The following MINK1 variants were observed in gnomAD, a reference collection of about 807,000 sequenced individuals.
The protein encoded by MINK1 is misshapen like kinase 1, also known as misshapen-like kinase 1.
MINK1 carries 46 observed loss-of-function variants against 178.4 expected under a neutral mutation model. That is an observed-to-expected ratio of 0.26 (90% CI 0.20 to 0.33). The LOEUF is 0.33. Ranked by LOEUF, MINK1 falls within the 10% of genes least tolerant of loss-of-function variation. MINK1 has a pLI of 1.00. For synonymous variants in MINK1, 797 were observed against 709.7 expected, an observed-to-expected ratio of 1.12 and a Z score of -1.96; for missense variants, 1,366 against 1,814.9, an observed-to-expected ratio of 0.75 and a Z score of 4.49.
intron 1 of MINK1, among the ~76,000 whole-genome samples, chr17:4,866,595 G>A (rs1330081301): frequency 7.0e-6 from 1 of 142,194 alleles, no homozygotes; most frequent in Non-Finnish European, 1.5e-5. Flanking sequence ...AACATAGTGA[G>A]ACCCTGATTC....
Position 4,896,315 on chromosome 17 carries a change from C to T in MINK1, c.3588C>T (p.Asn1196=). 6.3e-7 allele frequency: 1 copy of T among 1,598,918 alleles called. No homozygotes were observed. The highest frequency in any genetic ancestry group is 8.5e-7 in the Non-Finnish European group (1 of 1,172,168). The change falls in exon 29 of 32, where the codon AAC becomes AAT. Residue 1196 remains asparagine, a synonymous_variant. Coordinates refer to ENST00000355280, the MANE Select transcript of MINK1 (RefSeq NM_153827.5). This position sits in a 1 kb window ranked among gnomAD's most constrained non-coding sequence, Gnocchi z 4.6. ...GFHAVDVDSG[N]SYDIYIPVHI... ...ATGCTGTGGATGTCGACTCGGGGAA[C>T]AGCTATGACATCTACATCCCTGTGC...
At chr17:4,890,858 G>A (rs1968715799) in intron 14 of MINK1, 93 bp from the exon 15 acceptor site, 9 of 1,528,484 alleles carry the variant, frequency 5.9e-6, no homozygotes, top group African/African-American at 4.1e-5. Context: ...ACAGCACAGA[G>A]CATAGGGCGG....
chr17:4,867,659 G>A (rs1162695755), intron 1 of MINK1, among the ~76,000 whole-genome samples: 1 of 151,938 alleles, frequency 6.6e-6, no homozygotes, highest in African/African-American at 2.4e-5. Context: ...AATTAGCCAG[G>A]TATGGTGGTC....
chr17:4,891,557 A>T lies in MINK1; in HGVS notation c.1842A>T (p.Pro614=). The T allele has an allele frequency of 6.2e-7, 1 of 1,608,328 alleles. No individual in the cohort carries two copies. The highest frequency in any genetic ancestry group is 8.5e-7 in the Non-Finnish European group (1 of 1,177,822). The change falls in exon 16 of 32, where the codon CCA becomes CCT. Residue 614 remains proline (P), a synonymous_variant. Transcript: ENST00000355280. ...CCACCCGAAACCTGGCTGCCTTCCC[A>T]GCCTCCCATGACCCCGACCCTGCCA... ...DQPTRNLAAF[P]ASHDPDPAIP... is the part of the protein sequence containing the mutation.
At chr17:4,893,674 G>T (rs1455984359) in intron 21 of MINK1, 77 bp downstream of exon 21, 3 of 1,466,512 alleles carry the variant, frequency 2.0e-6, no homozygotes, top group East Asian at 2.4e-5. Flanking sequence ...AAGAGGTGGG[G>T]CTTTGGGGCA....
chr17:4,857,337 G>A (rs1362987446), intron 1 of MINK1: 4 of 164,006 alleles, frequency 2.4e-5, no homozygotes, highest in Non-Finnish European at 4.0e-5. Context: ...ACCCGAGATG[G>A]TGAAAACCAA....
In MINK1 at chr17:4,892,249, G is replaced by C. The variant is rs756897798; in HGVS notation, c.2087+15G>C. On this transcript the variant is annotated intron_variant, in intron 17 of 31. Transcript: ENST00000355280. ...GTCCGTGCCAGGTAATGCCTGGGTA[G>C]GGCAACGCCTGGGTGAGGTCTGAGG... The C allele has an allele frequency of 4.5e-6, 7 of 1,559,256 alleles. 1 individual carries two copies. In the South Asian group the frequency reaches 7.1e-5, roughly 16 times the overall value.
chr17:4,837,848 G>T (rs1322340238), intron 1 of MINK1, among the ~76,000 whole-genome samples: 1 of 152,286 alleles, frequency 6.6e-6, no homozygotes, highest in Middle Eastern at 3.4e-3. Context: ...AGGACTTGTT[G>T]CTCGGTGGTA....
chr17:4,892,959 T>C lies in MINK1; in HGVS notation c.2312-20T>C, dbSNP rs755160336. The C allele has an allele frequency of 4.5e-6, 7 of 1,546,024 alleles. No individual in the cohort carries two copies. In the East Asian group the frequency reaches 9.8e-5, roughly 22 times the overall value. On this transcript the variant is annotated intron_variant, in intron 19 of 31. Coordinates refer to ENST00000355280, the MANE Select transcript of MINK1 (RefSeq NM_153827.5). Reference sequence around the variant, plus strand: ...TCCCTTGTTCAGGCATCAGTGACCTTCTTCCACCCTGCCGTCCAGTCTCCT... The same window carrying C: ...TCCCTTGTTCAGGCATCAGTGACCTCCTTCCACCCTGCCGTCCAGTCTCCT...
Position 4,894,470 on chromosome 17 carries a change from C to G in MINK1, c.2809-55C>G. ...GGAGCCTGGGGAACAGCAGCAGGGG[C>G]AGGGCCGCAGCTGGACTTGCACTTG... On this transcript the variant is annotated intron_variant, in intron 23 of 31. Coordinates refer to ENST00000355280, the MANE Select transcript of MINK1 (RefSeq NM_153827.5). The surrounding 1 kb of genome is among the most constrained non-coding windows in gnomAD (Gnocchi z 4.1). 1 of 1,522,750 alleles carries G rather than the reference C, an allele frequency of 6.6e-7. No individual in the cohort carries two copies. Among genetic ancestry groups the G allele is most frequent in the Non-Finnish European group, 8.9e-7 (1 of 1,119,598 alleles). The allele number at this position is 1,522,750 out of a possible 1,614,324, so 94.3% of individuals were successfully genotyped here.
chr17:4,862,909 C>T (rs561378381), intron 1 of MINK1, among the ~76,000 whole-genome samples: 1 of 151,860 alleles, frequency 6.6e-6, no homozygotes, highest in East Asian at 1.9e-4. Flanking sequence ...ATGGTGCATG[C>T]CCGTGGTTCC....
At chr17:4,864,313 C>T (rs916943729) in intron 1 of MINK1, among the ~76,000 whole-genome samples, 6 of 151,492 alleles carry the variant, frequency 4.0e-5, no homozygotes, top group South Asian at 2.1e-4. Flanking sequence ...GCAGGAGAAT[C>T]GCTTGAACCT....
At chr17:4,866,206 G>A (rs1341836505) in intron 1 of MINK1, among the ~76,000 whole-genome samples, 1 of 152,102 alleles carries the variant, frequency 6.6e-6, no homozygotes, top group Non-Finnish European at 1.5e-5. Context: ...GGTGGTTCAC[G>A]CCTGTAATCC....
At chr17:4,855,726 C>T (rs144403631) in intron 1 of MINK1, among the ~76,000 whole-genome samples, 3,650 of 136,026 alleles carry the variant, frequency 0.027, 62 homozygotes, top group Non-Finnish European at 0.04. Context: ...GCCGAGATCG[C>T]GCCACTGCAC....
intron 1 of MINK1, chr17:4,834,841 T>C (rs1425696957): frequency 1.9e-6 from 1 of 520,040 alleles, no homozygotes; most frequent in Admixed American, 1.9e-5. Context: ...CCAGGGAACA[T>C]GGCCAGTAGT....
At position 4,895,487 on chromosome 17, in the gene MINK1, A is replaced by G. The variant is rs376392487; in HGVS notation, c.3223A>G (p.Ile1075Val). The G allele has an allele frequency of 9.5e-6, 15 of 1,581,542 alleles. No individual in the cohort carries two copies. Among genetic ancestry groups the G allele is most frequent in the Admixed American group, 3.5e-5 (2 of 57,450 alleles). Residue 1075 changes from isoleucine to valine, a missense_variant, in exon 26 of 32, where the codon ATC becomes GTC. By Grantham distance (29) the Ile-to-Val change is conservative. This residue lies in a region of MINK1 where 77 missense variants were observed against 119.5 expected (regional missense o/e 0.64). Transcript: ENST00000355280. The surrounding 1 kb of genome is among the most constrained non-coding windows in gnomAD (Gnocchi z 4.3). Reference sequence around the variant, plus strand: ...GGAGGGGCTCAACCTGCTCATCACCATCTCAGGTACAGGTGTGGTGAGTGG... The same window carrying G: ...GGAGGGGCTCAACCTGCTCATCACCGTCTCAGGTACAGGTGTGGTGAGTGG... ...VLEGLNLLIT[I>V]SGKRNKLRVY... is the part of the protein sequence containing the mutation.
chr17:4,865,436 A>AAAAT lies in MINK1; in HGVS notation c.58-12858_58-12855dup, dbSNP rs542000888. On this transcript the variant is annotated intron_variant, in intron 1 of 31. Transcript: ENST00000355280. ...GCAACAGGGTGAGACACTGTCTCAAAAAATAAATAAATAAATAAATAAATA... is the reference window on the plus strand; with the variant it reads ...GCAACAGGGTGAGACACTGTCTCAAAAAATAAATAAATAAATAAATAAATAAATA... Among the ~76,000 whole-genome samples, 719 of 152,040 alleles carry AAAAT rather than the reference A, an allele frequency of 4.7e-3. 10 individuals are homozygous for AAAAT. In the East Asian group the frequency reaches 0.063, roughly 13 times the overall value.
chr17:4,855,500 A>AAG (rs71147094), intron 1 of MINK1, among the ~76,000 whole-genome samples: 1 of 143,358 alleles, frequency 7.0e-6, no homozygotes, highest in Non-Finnish European at 1.5e-5. Flanking sequence ...AAAAAAAAAA[A>AAG]GGCCGGGCAC....
At chr17:4,843,360 C>T (rs1047696464) in intron 1 of MINK1, among the ~76,000 whole-genome samples, 2 of 152,144 alleles carry the variant, frequency 1.3e-5, no homozygotes, top group Admixed American at 6.5e-5. Flanking sequence ...CACCTGTAAT[C>T]CCAGCTACTG....
Sources: gnomAD v4.1 joint callset for allele counts (sites outside exome capture counted in the v4.1 genomes callset) on GRCh38, gnomAD v4.1.1 for gene constraint, gnomAD v4.1.1 regional missense constraint, Gnocchi (gnomAD v3.1) non-coding constraint, MANE v1.5 for transcripts, NCBI Gene and HGNC (gene_info 2026-07-23, HGNC 2026-07-21) for gene names.